The following SRSF9 variants were observed in gnomAD, a reference collection of about 807,000 sequenced individuals.
The protein encoded by SRSF9 is serine and arginine rich splicing factor 9.
A neutral mutation model predicts 25.9 loss-of-function variants in SRSF9; 3 were observed. The ratio of observed to expected loss-of-function variants is 0.12; its 90% CI spans 0.05 to 0.30. SRSF9 has a LOEUF of 0.30. Ranked by LOEUF, SRSF9 falls within the 10% of genes least tolerant of loss-of-function variation. The pLI is 1.00. For synonymous variants in SRSF9, 114 were observed against 113.2 expected (o/e 1.01, Z -0.05); for missense variants, 161 against 303.5 (o/e 0.53, Z 3.49).
chr12:120,466,756 G>C (rs1323958549), intron 1 of SRSF9, among the ~76,000 whole-genome samples: 2 of 152,130 alleles, frequency 1.3e-5, no homozygotes, highest in African/African-American at 4.8e-5. Flanking sequence ...GCCTGGTCTT[G>C]AACTCCTGGG....
At chr12:120,465,933 G>T in intron 1 of SRSF9, 146 bp from the exon 2 acceptor site, 2 of 754,264 alleles carry the variant, frequency 2.7e-6, no homozygotes, top group Non-Finnish European at 4.0e-6. Flanking sequence ...GGATCCTGAA[G>T]CACTTCTGCT....
In SRSF9 at chr12:120,467,008, T is replaced by C. The variant is rs572501722; in HGVS notation, c.189-1221A>G. On this transcript the variant is annotated intron_variant, in intron 1 of 3. Transcript: ENST00000229390. ...ACGTTGATTCTCCAGTATTGGATGG[T>C]AGAAAGTGTGACCTTGGAGCTTGGG... Among the ~76,000 whole-genome samples, 355 of 152,274 alleles carry C rather than the reference T, an allele frequency of 2.3e-3. 1 individual carries two copies. Among genetic ancestry groups the C allele is most frequent in the African/African-American group, 8.3e-3 (345 of 41,548 alleles).
At chr12:120,465,554 T>C in intron 2 of SRSF9, 73 bp downstream of exon 2, 1 of 1,474,976 alleles carries the variant, frequency 6.8e-7, no homozygotes, top group Non-Finnish European at 9.0e-7. Context: ...ATAACAGCTA[T>C]CATTTCTTGG....
rs150028178 is a variant in SRSF9, at chr12:120,462,445, C to T, written c.523-283G>A. On this transcript the variant is annotated intron_variant, in intron 3 of 3. Coordinates refer to ENST00000229390, the MANE Select transcript of SRSF9 (RefSeq NM_003769.3). ...TTGATACTCAATTAACTATGATAAA[C>T]AATATATCTGAATTACTGCCATTGA... is the stretch of plus-strand genomic sequence containing the variant. The T allele has an allele frequency of 2.3e-3, 659 of 280,662 alleles. 2 individuals are homozygous for T. Among genetic ancestry groups the T allele is most frequent in the African/African-American group, 0.014 (619 of 45,248 alleles). 17.4% of individuals were successfully genotyped at this position (280,662 alleles called of 1,614,324 possible).
At chr12:120,465,354 A>G (rs76344843) in intron 2 of SRSF9, 25,463 of 283,518 alleles carry the variant, frequency 0.09, 1,365 homozygotes, top group Non-Finnish European at 0.11. Flanking sequence ...TTAGAATTGT[A>G]GCTCAAGTTT....
At position 120,464,063 on chromosome 12, in the gene SRSF9, C is replaced by T. The variant is rs762055178; in HGVS notation, c.409G>A (p.Val137Ile). ...TCCTTCTGCACATCAGCATAACAGA[C>T]ATCCCCAGCTTCTCGCATGTGATCC... ...LKDHMREAGD[V>I]CYADVQKDGV... The change falls in exon 3 of 4, where the codon GTC becomes ATC. Residue 137 changes from valine (V) to isoleucine (I), a missense_variant. Transcript: ENST00000229390. The T allele has an allele frequency of 1.2e-6, 2 of 1,614,210 alleles. No individual in the cohort carries two copies. The highest frequency in any genetic ancestry group is 1.7e-6 in the Non-Finnish European group (2 of 1,180,024).
In SRSF9 at chr12:120,469,412, G is replaced by A; in HGVS notation, c.188+10C>T. The A allele has an allele frequency of 6.3e-7, 1 of 1,575,792 alleles. No homozygotes were observed. The highest frequency in any genetic ancestry group is 8.6e-7 in the Non-Finnish European group (1 of 1,162,266). On this transcript the variant is annotated intron_variant, in intron 1 of 3. Coordinates refer to ENST00000229390, the MANE Select transcript of SRSF9 (RefSeq NM_003769.3). ...CCGAGGAGGAGAGGGCAGGGGCGCG[G>A]GGGCCTCACCGGGGGTCCTCGAAGC... is the stretch of plus-strand genomic sequence containing the variant.
At position 120,465,730 on chromosome 12, in the gene SRSF9, A is replaced by G. The variant is rs930223755; in HGVS notation, c.246T>C (p.Leu82=). 2 of 1,606,124 alleles carry G rather than the reference A, an allele frequency of 1.2e-6. No homozygotes were observed. The highest frequency in any genetic ancestry group is 3.5e-5 in the Admixed American group (2 of 57,790). The part of the protein sequence containing the change: ...RNGYDYGQCR[L]RVEFPRTYGG... ...CATAAGTCCTGGGGAACTCCACACGAAGCCGACACTGGCCATAATCATAAC... is the reference window on the plus strand; with the variant it reads ...CATAAGTCCTGGGGAACTCCACACGGAGCCGACACTGGCCATAATCATAAC... Residue 82 remains leucine, a synonymous_variant, in exon 2 of 4, where the codon CTT becomes CTC. Transcript: ENST00000229390.
chr12:120,467,044 G>A (rs977559284), intron 1 of SRSF9, among the ~76,000 whole-genome samples: 1 of 152,186 alleles, frequency 6.6e-6, no homozygotes, highest in African/African-American at 2.4e-5. Flanking sequence ...TGGACAAGAG[G>A]AGCTGAATGT....
At chr12:120,466,469 T>C (rs1342223542) in intron 1 of SRSF9, among the ~76,000 whole-genome samples, 3 of 152,114 alleles carry the variant, frequency 2.0e-5, no homozygotes, top group African/African-American at 7.2e-5. Flanking sequence ...ACCCGGTCTT[T>C]TAAAAAAATA....
intron 2 of SRSF9, chr12:120,464,359 G>C: frequency 2.4e-6 from 1 of 414,100 alleles, no homozygotes; most frequent in South Asian, 6.1e-5. Flanking sequence ...CTTTTCAACA[G>C]AGCAAGAAGT....
At position 120,469,439 on chromosome 12, in the gene SRSF9, C is replaced by G; in HGVS notation, c.171G>C (p.Val57=). ...NRHGLVPFAF[V]RFEDPRDAED... ...GGCCTCACCGGGGGTCCTCGAAGCG[C>G]ACGAAGGCGAAGGGCACGAGGCCGT... Residue 57 remains valine, a synonymous_variant, in exon 1 of 4, where the codon GTG becomes GTC. Coordinates refer to ENST00000229390, the MANE Select transcript of SRSF9 (RefSeq NM_003769.3). 8.2e-6 allele frequency: 13 copies of G among 1,585,628 alleles called. No homozygotes were observed. Among genetic ancestry groups the G allele is most frequent in the Non-Finnish European group, 1.1e-5 (13 of 1,167,208 alleles).
chr12:120,464,231 G>T, intron 2 of SRSF9, 109 bp from the exon 3 acceptor site: 2 of 1,297,644 alleles, frequency 1.5e-6, no homozygotes, highest in South Asian at 1.6e-5. Flanking sequence ...AAATCCTGAG[G>T]GTCCCCAAAT....
At position 120,467,846 on chromosome 12, in the gene SRSF9, G is replaced by A. The variant is rs145332597; in HGVS notation, c.188+1576C>T. 1.1e-3 allele frequency among the ~76,000 whole-genome samples: 157 copies of A among 148,062 alleles called. 2 individuals carry two copies. The highest frequency in any genetic ancestry group is 3.8e-3 in the African/African-American group (153 of 39,900). ...GTGGTGGCTCAGGCCTGTAACCTCA[G>A]CATTTTGGGAGGCTGAGGTGGGTGG... On this transcript the variant is annotated intron_variant, in intron 1 of 3. Transcript: ENST00000229390.
chr12:120,463,758 G>T (rs1226761714), intron 3 of SRSF9, 192 bp downstream of exon 3: 159 of 569,824 alleles, frequency 2.8e-4, no homozygotes, highest in Non-Finnish European at 3.0e-5. Context: ...AACGTACCAT[G>T]AATGCATACT....
intron 1 of SRSF9, 75 bp downstream of exon 1, chr12:120,469,347 C>T (rs140319695): frequency 9.0e-7 from 1 of 1,114,434 alleles, no homozygotes; most frequent in Non-Finnish European, 1.2e-6. Context: ...GAGGGGAGCC[C>T]TGGGGGAGGG....
Position 120,462,079 on chromosome 12 carries a change from A to G in SRSF9, c.606T>C (p.Arg202=). The part of the protein sequence containing the change: ...YSRSRSGSRG[R]DSPYQSRGSP... ...AACCCCTGCTTTGGTATGGAGAGTC[A>G]CGGCCCCTTGACCCAGACCGAGACC... is the stretch of plus-strand genomic sequence containing the variant. Residue 202 remains arginine (R), a synonymous_variant, in exon 4 of 4, where the codon CGT becomes CGC. Transcript: ENST00000229390. 6.2e-7 allele frequency: 1 copy of G among 1,612,346 alleles called. No homozygotes were observed. Among genetic ancestry groups the G allele is most frequent in the Non-Finnish European group, 8.5e-7 (1 of 1,179,952 alleles).
chr12:120,469,170 G>C (rs1298791605), intron 1 of SRSF9, among the ~76,000 whole-genome samples: 2 of 152,202 alleles, frequency 1.3e-5, no homozygotes, highest in South Asian at 2.1e-4. Flanking sequence ...CCCTCCAAAG[G>C]CTCAGCTTTT....
chr12:120,464,317 C>T (rs562982416), intron 2 of SRSF9, 195 bp from the exon 3 acceptor site: 71 of 548,230 alleles, frequency 1.3e-4, no homozygotes, highest in Non-Finnish European at 1.8e-4. Context: ...CCTTGAGAAG[C>T]TGGTTTTAAG....
Sources: gnomAD v4.1 joint callset for allele counts (sites outside exome capture counted in the v4.1 genomes callset) on GRCh38, gnomAD v4.1.1 for gene constraint, MANE v1.5 for transcripts, NCBI Gene and HGNC (gene_info 2026-07-23, HGNC 2026-07-21) for gene names.